Variants in PLS1 observed in about 807,000 individuals in gnomAD.
PLS1 encodes plastin 1.
A neutral mutation model predicts 73.7 loss-of-function variants in PLS1; 32 were observed. The observed-to-expected ratio is 0.43, with a 90% CI of 0.33 to 0.58. The LOEUF is 0.58. PLS1 is among the 20% of genes least tolerant of loss of function. The probability of loss-of-function intolerance (pLI) is 0.04; values close to 1 mark genes in which losing one functional copy is unlikely to be tolerated. For missense variants in PLS1, 633 were observed against 740.5 expected (o/e 0.85, Z 1.68); for synonymous variants, 217 against 261.3 (o/e 0.83, Z 1.63).
chr3:142,619,483 C>T (rs750785833), intron 1 of PLS1: 1 of 152,196 alleles, frequency 6.6e-6, no homozygotes, highest in South Asian at 2.1e-4. Context: ...AAAAGTATGG[C>T]TTCTACTCAT....
intron 11 of PLS1, 65 bp downstream of exon 11, chr3:142,694,612 G>C (rs929351285): frequency 3.3e-6 from 3 of 922,446 alleles, no homozygotes; most frequent in African/African-American, 3.4e-5. Flanking sequence ...CAAACTGTAG[G>C]CATGTTTAAA....
intron 1 of PLS1, among the ~76,000 whole-genome samples, chr3:142,610,455 T>C (rs2036099910): frequency 6.6e-6 from 1 of 152,200 alleles, no homozygotes; most frequent in South Asian, 2.1e-4. Flanking sequence ...TATAGCAGCT[T>C]AAGACTTTGT....
chr3:142,711,904 C>T lies in PLS1; in HGVS notation c.1787C>T (p.Ala596Val). 6.2e-7 allele frequency: 1 copy of T among 1,613,470 alleles called. No individual in the cohort carries two copies. Among genetic ancestry groups the T allele is most frequent in the Non-Finnish European group, 8.5e-7 (1 of 1,179,500 alleles). The change falls in exon 16 of 16, where the codon GCC becomes GTC. Residue 596 changes from alanine (A) to valine (V), a missense_variant. Coordinates refer to ENST00000457734, the MANE Select transcript of PLS1 (RefSeq NM_001145319.2). ...YAISVARKIG[A>V]RIYALPDDLV... Reference sequence around the variant, plus strand: ...ATTTCAGTTGCTCGAAAGATCGGTGCCCGGATATATGCATTACCTGATGAC... The same window carrying T: ...ATTTCAGTTGCTCGAAAGATCGGTGTCCGGATATATGCATTACCTGATGAC...
intron 1 of PLS1, among the ~76,000 whole-genome samples, chr3:142,601,886 T>C (rs1456821759): frequency 2.0e-5 from 3 of 152,156 alleles, no homozygotes; most frequent in African/African-American, 4.8e-5. Context: ...TGAGGTCATA[T>C]AGTTTACAAG....
At chr3:142,667,538 C>A (rs1324265875) in intron 2 of PLS1, among the ~76,000 whole-genome samples, 1 of 152,124 alleles carries the variant, frequency 6.6e-6, no homozygotes, top group African/African-American at 2.4e-5. Flanking sequence ...AAGTCAAGTT[C>A]TTAACAAGTC....
intron 1 of PLS1, among the ~76,000 whole-genome samples, chr3:142,605,624 C>T (rs1343943934): frequency 6.6e-6 from 1 of 152,144 alleles, no homozygotes; most frequent in Non-Finnish European, 1.5e-5. Flanking sequence ...CAGTCTAGCT[C>T]CAAATCTAGT....
chr3:142,605,716 A>G lies in PLS1; in HGVS notation c.-37+9207A>G, dbSNP rs534771762. ...TATGAAATTTATGTGCAATTTTTAT[A>G]AAAGTCTAAATGTATTTTATGGCTA... On this transcript the variant is annotated intron_variant, in intron 1 of 15. Coordinates refer to ENST00000457734, the MANE Select transcript of PLS1 (RefSeq NM_001145319.2). 2.6e-5 allele frequency among the ~76,000 whole-genome samples: 4 copies of G among 152,338 alleles called. No individual in the cohort carries two copies. In the South Asian group the frequency reaches 6.2e-4, roughly 24 times the overall value.
chr3:142,699,484 A>G (rs923875296), intron 12 of PLS1, among the ~76,000 whole-genome samples: 2 of 151,922 alleles, frequency 1.3e-5, no homozygotes, highest in Admixed American at 6.6e-5. Context: ...CAAAACAAAA[A>G]CCTAGATGAT....
intron 1 of PLS1, among the ~76,000 whole-genome samples, chr3:142,613,514 GA>G (rs1339709956): frequency 6.6e-6 from 1 of 151,926 alleles, no homozygotes; most frequent in Non-Finnish European, 1.5e-5. Context: ...AAAAAGAAAA[GA>G]AAAAAGCTAA....
At chr3:142,611,142 C>T (rs1232946765) in intron 1 of PLS1, among the ~76,000 whole-genome samples, 1 of 152,174 alleles carries the variant, frequency 6.6e-6, no homozygotes, top group Admixed American at 6.5e-5. Context: ...TCCCTTGTCA[C>T]AAACTATTAT....
chr3:142,713,360 A>G lies in PLS1; in HGVS notation c.*1353A>G, dbSNP rs563967707. 2 of 152,690 alleles carry G rather than the reference A, an allele frequency of 1.3e-5. No individual in the cohort carries two copies. The highest frequency in any genetic ancestry group is 4.8e-5 in the African/African-American group (2 of 41,562). 9.5% of individuals were successfully genotyped at this position (152,690 alleles called of 1,614,324 possible). A position where few individuals can be genotyped will look rare whatever the true frequency, so the allele number is the denominator to read the frequency against. Reference sequence around the variant, plus strand: ...CCCTTTCTACCATTGATTTAAATATATATATTGGTAAGAGAGACTGCCCAT... The same window carrying G: ...CCCTTTCTACCATTGATTTAAATATGTATATTGGTAAGAGAGACTGCCCAT... On this transcript the variant is annotated 3_prime_UTR_variant, in exon 16 of 16. Coordinates refer to ENST00000457734, the MANE Select transcript of PLS1 (RefSeq NM_001145319.2).
intron 1 of PLS1, among the ~76,000 whole-genome samples, chr3:142,614,448 G>C (rs2036178556): frequency 6.6e-6 from 1 of 152,220 alleles, no homozygotes; most frequent in Admixed American, 6.5e-5. Context: ...ATGTTATCTA[G>C]AGGGTACAGC....
chr3:142,614,372 A>G (rs2108551526), intron 1 of PLS1, among the ~76,000 whole-genome samples: 1 of 152,280 alleles, frequency 6.6e-6, no homozygotes, highest in Non-Finnish European at 1.5e-5. Context: ...TGCTCTGTGG[A>G]AGAAGGCAGT....
chr3:142,600,896 ATATATATATATATATATATATTTTTTTTT>A lies in PLS1; in HGVS notation c.-37+4389_-37+4417del, dbSNP rs1420545516. ...TGGTTTCATATATATATATATATAT[ATATATATATATATATATATATTTTTTTTT>A]TTTTTTTTTTTTTTTTGAGACGGAG... is the stretch of plus-strand genomic sequence containing the variant. On this transcript the variant is annotated intron_variant, in intron 1 of 15. Transcript: ENST00000457734. 1.5e-4 allele frequency among the ~76,000 whole-genome samples: 4 copies of A among 26,902 alleles called. No individual in the cohort carries two copies. The East Asian group carries it at 4.6e-3, about 31-fold the overall frequency. 17.6% of individuals were successfully genotyped at this position (26,902 alleles called of 152,430 possible). A position where few individuals can be genotyped will look rare whatever the true frequency, so the allele number is the denominator to read the frequency against.
At chr3:142,658,417 G>A (rs571385760) in intron 1 of PLS1, among the ~76,000 whole-genome samples, 76 of 151,510 alleles carry the variant, frequency 5.0e-4, no homozygotes, top group Non-Finnish European at 9.1e-4. Flanking sequence ...CAGAGGCTGC[G>A]GTGAGCTGAG....
At chr3:142,657,767 C>T (rs1673133838) in intron 1 of PLS1, among the ~76,000 whole-genome samples, 1 of 152,130 alleles carries the variant, frequency 6.6e-6, no homozygotes, top group African/African-American at 2.4e-5. Context: ...GGATTTCAGG[C>T]GTGAGCCACC....
intron 9 of PLS1, among the ~76,000 whole-genome samples, chr3:142,689,028 G>T (rs1187692539): frequency 6.6e-6 from 1 of 152,134 alleles, no homozygotes; most frequent in African/African-American, 2.4e-5. Context: ...GCAACCAGTA[G>T]GAGCTTACTG....
At chr3:142,645,437 C>T (rs1360688284) in intron 1 of PLS1, 1 of 152,196 alleles carries the variant, frequency 6.6e-6, no homozygotes, top group Non-Finnish European at 1.5e-5. Flanking sequence ...AAAGTTTAAA[C>T]TCTGACTTGG....
intron 6 of PLS1, among the ~76,000 whole-genome samples, chr3:142,680,170 C>A (rs2037818831): frequency 6.6e-6 from 1 of 152,176 alleles, no homozygotes; most frequent in Admixed American, 6.5e-5. Context: ...ATCAAGTGAT[C>A]CTCCAACCTC....
Sources: allele counts gnomAD v4.1 joint callset (sites outside exome capture counted in the v4.1 genomes callset), GRCh38; gene constraint gnomAD v4.1.1; transcripts MANE v1.5; gene names NCBI Gene and HGNC (gene_info 2026-07-23, HGNC 2026-07-21).